CAPRIN2: variants seen among roughly 807,000 people sequenced by gnomAD.
CAPRIN2 encodes the protein caprin family member 2, also known as caprin-2.
In CAPRIN2, 66 loss-of-function variants were observed where a neutral mutation model predicts 130.4. The observed-to-expected ratio is 0.51, with a 90% CI of 0.42 to 0.62. The LOEUF is 0.62. Ranked by LOEUF, CAPRIN2 falls within the 20% of genes least tolerant of loss-of-function variation. CAPRIN2 has a pLI of 0.00. For synonymous variants in CAPRIN2, 471 were observed against 444.1 expected (o/e 1.06, Z -0.76); for missense variants, 1,185 against 1,246.6 (o/e 0.95, Z 0.74).
chr12:30,751,150 T>G lies in CAPRIN2; in HGVS notation c.421-17A>C, dbSNP rs368792383. On this transcript the variant is annotated splice_polypyrimidine_tract_variant and intron_variant, in intron 1 of 16. Transcript: ENST00000298892. ...CAGTTTGAGCTACAAAAGAGAAACT[T>G]GTATCTACCATAGTCTGACATAAAA... The G allele has an allele frequency of 2.5e-6, 4 of 1,601,320 alleles. No homozygotes were observed. Among genetic ancestry groups the G allele is most frequent in the Non-Finnish European group, 3.4e-6 (4 of 1,168,614 alleles).
At chr12:30,717,301 T>G (rs1337972116) in intron 12 of CAPRIN2, among the ~76,000 whole-genome samples, 1 of 152,132 alleles carries the variant, frequency 6.6e-6, no homozygotes, top group East Asian at 1.9e-4. Flanking sequence ...TTTGAAAACA[T>G]TATGCAAAGT....
At chr12:30,722,853 G>A (rs904308063) in intron 11 of CAPRIN2, among the ~76,000 whole-genome samples, 2 of 152,226 alleles carry the variant, frequency 1.3e-5, no homozygotes, top group East Asian at 1.9e-4. Flanking sequence ...GCAGTGAGCC[G>A]AGATCATGCT....
chr12:30,731,424 C>T, exon 6 of CAPRIN2: 4 of 1,612,976 alleles, frequency 2.5e-6, no homozygotes, highest in Non-Finnish European at 3.4e-6. Context: ...AGTGGTACTT[C>T]CTTTTCCTTG....
At chr12:30,747,400 G>A (rs562721901) in intron 2 of CAPRIN2, among the ~76,000 whole-genome samples, 10 of 152,200 alleles carry the variant, frequency 6.6e-5, no homozygotes, top group East Asian at 1.9e-4. Context: ...ACATTTGGCC[G>A]GGCGTGATGG....
chr12:30,730,387 C>A, intron 6 of CAPRIN2, 105 bp from the exon 8 acceptor site: 8 of 796,066 alleles, frequency 1.0e-5, no homozygotes, highest in Admixed American at 8.6e-5. Flanking sequence ...AGACTCGTAA[C>A]AGAAAAAGGG....
At chr12:30,743,906 A>G (rs1180147380) in intron 2 of CAPRIN2, among the ~76,000 whole-genome samples, 1 of 152,164 alleles carries the variant, frequency 6.6e-6, no homozygotes, top group Non-Finnish European at 1.5e-5. Flanking sequence ...TCTATCGGCT[A>G]AACTTCTCCA....
At chr12:30,735,488 T>A (rs577817862) in intron 3 of CAPRIN2, among the ~76,000 whole-genome samples, 35 of 152,298 alleles carry the variant, frequency 2.3e-4, no homozygotes, top group Middle Eastern at 3.4e-3. Context: ...GAAGTACCAA[T>A]CATTGATGTC....
In CAPRIN2 at chr12:30,723,322, G is replaced by A. The variant is rs1375806963; in HGVS notation, c.1988-8C>T. 6 of 1,605,774 alleles carry A rather than the reference G, an allele frequency of 3.7e-6. No individual in the cohort carries two copies. Among genetic ancestry groups the A allele is most frequent in the South Asian group, 1.1e-5 (1 of 90,856 alleles). ...GATTTTGTTCTTTAGATGCTGCAAG[G>A]AGTAAAATAAACAGTAACTACTGAG... On this transcript the variant is annotated splice_polypyrimidine_tract_variant and splice_region_variant and intron_variant, in intron 10 of 16. Transcript: ENST00000298892.
intron 16 of CAPRIN2, among the ~76,000 whole-genome samples, chr12:30,711,090 G>A (rs59463115): frequency 0.046 from 7,063 of 152,192 alleles, 539 homozygotes; most frequent in African/African-American, 0.16. Context: ...TTACTCTTCA[G>A]TGATTTTTCT....
chr12:30,734,320 A>G (rs2063720243), intron 4 of CAPRIN2, among the ~76,000 whole-genome samples: 1 of 152,180 alleles, frequency 6.6e-6, no homozygotes, highest in African/African-American at 2.4e-5. Flanking sequence ...GGGCTAACAA[A>G]TACAAAGCTG....
chr12:30,720,679 A>G (rs1353627994), intron 12 of CAPRIN2, 132 bp downstream of exon 13: 4 of 593,142 alleles, frequency 6.7e-6, no homozygotes, highest in Admixed American at 5.9e-5. Context: ...AGATCACAAT[A>G]TCTATAGAAA....
intron 2 of CAPRIN2, among the ~76,000 whole-genome samples, chr12:30,746,754 C>T (rs752970318): frequency 2.0e-5 from 3 of 152,168 alleles, no homozygotes; most frequent in Non-Finnish European, 4.4e-5. Context: ...TGGGAGCTAG[C>T]AGAAGCTGGT....
intron 12 of CAPRIN2, among the ~76,000 whole-genome samples, chr12:30,717,808 T>TATG (rs914535782): frequency 1.6e-4 from 24 of 152,314 alleles, no homozygotes; most frequent in Admixed American, 1.5e-3. Flanking sequence ...TCTGTCCTTC[T>TATG]ATGACTCTCT....
chr12:30,747,512 C>T (rs2071223535), intron 2 of CAPRIN2, among the ~76,000 whole-genome samples: 2 of 151,990 alleles, frequency 1.3e-5, no homozygotes, highest in South Asian at 4.1e-4. Flanking sequence ...ACCCCATCTC[C>T]ACTAAAAACA....
chr12:30,719,589 A>T (rs2058740565), intron 12 of CAPRIN2: 1 of 167,252 alleles, frequency 6.0e-6, no homozygotes, highest in African/African-American at 2.4e-5. Context: ...AAAAACTTGG[A>T]TTAGTTGTTT....
rs921727719 is a variant in CAPRIN2, at chr12:30,753,702, A to C, written c.62T>G (p.Leu21Ter). The C allele has an allele frequency of 6.2e-7, 1 of 1,614,096 alleles. No individual in the cohort carries two copies. Among genetic ancestry groups the C allele is most frequent in the Non-Finnish European group, 8.5e-7 (1 of 1,179,994 alleles). Residue 21 changes from leucine (L) to a stop codon, truncating the protein, a stop_gained, in exon 1 of 17, where the codon TTA becomes TGA. Transcript: ENST00000298892. LOFTEE classifies it high-confidence loss of function. The stretch of plus-strand genomic sequence containing the variant: ...CCTGGAAAGTCTAGACCACTCCCTT[A>C]AACTCTTTTCCACAGAAGTGAGCTC...
At chr12:30,720,992 AAT>A (rs1433183829) in intron 11 of CAPRIN2, 77 bp from the exon 13 acceptor site, 2 of 950,784 alleles carry the variant, frequency 2.1e-6, no homozygotes, top group Non-Finnish European at 3.4e-6. Flanking sequence ...TGGCCTTCCT[AAT>A]ATGTTACTCT....
intron 15 of CAPRIN2, among the ~76,000 whole-genome samples, chr12:30,712,738 T>TTA (rs1283635262): frequency 8.1e-5 from 5 of 61,574 alleles, no homozygotes; most frequent in African/African-American, 3.4e-4. Context: ...CCACTCTTTT[T>TTA]TTTTTTTTTT....
intron 14 of CAPRIN2, 154 bp downstream of exon 16, chr12:30,714,805 T>A (rs377397281): frequency 1.8e-6 from 1 of 543,296 alleles, no homozygotes; most frequent in East Asian, 2.8e-5. Flanking sequence ...TTATGGAGAA[T>A]AGGTATATTA....
Sources: gnomAD v4.1 joint callset for allele counts (sites outside exome capture counted in the v4.1 genomes callset) on GRCh38, gnomAD v4.1.1 for gene constraint, MANE v1.5 for transcripts, NCBI Gene and HGNC (gene_info 2026-07-23, HGNC 2026-07-21) for gene names.